The following SCAMP5 variants were observed in gnomAD, a reference collection of about 807,000 sequenced individuals.
SCAMP5 encodes secretory carrier-associated membrane protein 5.
SCAMP5 carries 7 observed loss-of-function variants against 28.3 expected under a neutral mutation model. The ratio of observed to expected loss-of-function variants is 0.25; its 90% CI spans 0.14 to 0.46. The LOEUF is 0.46. Among genes scored for constraint, SCAMP5 ranks in the 20% least tolerant of loss-of-function variants. SCAMP5 has a pLI of 0.99. For synonymous variants in SCAMP5, 117 were observed against 116.4 expected (o/e 1.00, Z -0.03); for missense variants, 192 against 312.5 (o/e 0.61, Z 2.91).
chr15:75,014,403 A>G (rs2065841366), intron 3 of SCAMP5, among the ~76,000 whole-genome samples: 1 of 152,164 alleles, frequency 6.6e-6, no homozygotes, highest in African/African-American at 2.4e-5. Context: ...TCCATCAAAT[A>G]TGATGTAGTG....
At position 75,018,508 on chromosome 15, in the gene SCAMP5, C is replaced by T. The variant is rs1275314052; in HGVS notation, c.486C>T (p.Ala162=). The T allele has an allele frequency of 5.0e-6, 8 of 1,612,434 alleles. No homozygotes were observed. Among genetic ancestry groups the T allele is most frequent in the South Asian group, 1.1e-5 (1 of 91,046 alleles). The part of the protein sequence containing the change: ...LIPTVMFTVM[A]VFSFIALSMV... Reference sequence around the variant, plus strand: ...CCACTGTCATGTTCACAGTGATGGCCGTCTTTTCCTTCATCGCCCTCAGCA... The same window carrying T: ...CCACTGTCATGTTCACAGTGATGGCTGTCTTTTCCTTCATCGCCCTCAGCA... Residue 162 remains alanine, a synonymous_variant, in exon 6 of 7, where the codon GCC becomes GCT. Transcript: ENST00000425597. This position sits in a 1 kb window ranked among gnomAD's most constrained non-coding sequence, Gnocchi z 5.6.
chr15:75,007,938 G>A (rs879499889), intron 1 of SCAMP5, among the ~76,000 whole-genome samples: 20 of 152,020 alleles, frequency 1.3e-4, no homozygotes, highest in Non-Finnish European at 2.2e-4. Flanking sequence ...GGGCCCAAGC[G>A]ATCCATCTGC....
At chr15:75,000,971 C>T (rs997189611) in intron 1 of SCAMP5, among the ~76,000 whole-genome samples, 1 of 151,954 alleles carries the variant, frequency 6.6e-6, no homozygotes, top group Non-Finnish European at 1.5e-5. Context: ...GTTAAAAATT[C>T]AGCTCCAGGC....
intron 1 of SCAMP5, chr15:74,995,883 C>G (rs1056747208): frequency 2.0e-5 from 3 of 153,760 alleles, no homozygotes; most frequent in African/African-American, 7.2e-5. Flanking sequence ...CCAGGCCCCC[C>G]GAGCCCCCCA....
chr15:75,018,964 C>T lies in SCAMP5; in HGVS notation c.689C>T (p.Thr230Met), dbSNP rs761891207. The change falls in exon 7 of 7, where the codon ACG becomes ATG. Residue 230 changes from threonine (T) to methionine (M), a missense_variant. Coordinates refer to ENST00000425597, the MANE Select transcript of SCAMP5 (RefSeq NM_138967.4). This position sits in a 1 kb window ranked among gnomAD's most constrained non-coding sequence, Gnocchi z 5.6. ...CAGTATTCCGCCACCCCCAATTACA[C>T]GTACTCCAATGAGATGTGAACCAGC... ...QTQYSATPNY[T>M]YSNEM The T allele has an allele frequency of 2.8e-5, 43 of 1,526,798 alleles. No individual in the cohort carries two copies. The highest frequency in any genetic ancestry group is 3.2e-5 in the Non-Finnish European group (37 of 1,145,350). 94.6% of individuals were successfully genotyped at this position (1,526,798 alleles called of 1,614,324 possible). A position where few individuals can be genotyped will look rare whatever the true frequency, so the allele number is the denominator to read the frequency against.
chr15:75,010,131 G>T (rs952714856), intron 1 of SCAMP5, among the ~76,000 whole-genome samples: 1 of 152,058 alleles, frequency 6.6e-6, no homozygotes, highest in African/African-American at 2.4e-5. Flanking sequence ...GGTTTCCTTG[G>T]CCTTAACTTG....
intron 1 of SCAMP5, among the ~76,000 whole-genome samples, chr15:74,999,324 C>T (rs966032715): frequency 1.4e-4 from 22 of 152,282 alleles, no homozygotes; most frequent in African/African-American, 3.9e-4. Context: ...GTGTGTCACC[C>T]GAGCTGCCAG....
rs117960463 is a variant in SCAMP5, at chr15:74,999,039, C to T, written c.-49+3366C>T. Among the ~76,000 whole-genome samples the T allele has an allele frequency of 2.0e-3, 301 of 152,320 alleles. 5 individuals carry two copies. In the East Asian group the frequency reaches 0.054, roughly 28 times the overall value. On this transcript the variant is annotated intron_variant, in intron 1 of 6. Coordinates refer to ENST00000425597, the MANE Select transcript of SCAMP5 (RefSeq NM_138967.4). The stretch of plus-strand genomic sequence containing the variant: ...GGTCTTTAGTGCTGGACCACAGTCT[C>T]CCACTCCATGTCCCATTGTCTCAGG...
intron 1 of SCAMP5, among the ~76,000 whole-genome samples, chr15:75,011,330 G>A (rs1008111758): frequency 1.3e-5 from 2 of 152,152 alleles, no homozygotes; most frequent in South Asian, 2.1e-4. Context: ...TTACTGCAGA[G>A]GTGATTGACT....
At chr15:75,000,986 C>T (rs2065701298) in intron 1 of SCAMP5, among the ~76,000 whole-genome samples, 1 of 151,932 alleles carries the variant, frequency 6.6e-6, no homozygotes. Flanking sequence ...CCAGGCCGGG[C>T]GCGGTGGCTC....
At chr15:75,000,097 CT>C (rs1383713090) in intron 1 of SCAMP5, among the ~76,000 whole-genome samples, 1 of 152,088 alleles carries the variant, frequency 6.6e-6, no homozygotes, top group East Asian at 1.9e-4. Flanking sequence ...GGGGTGGCAT[CT>C]GAGAAAGTGG....
At chr15:75,014,112 A>T (rs2065838804) in intron 3 of SCAMP5, among the ~76,000 whole-genome samples, 1 of 152,172 alleles carries the variant, frequency 6.6e-6, no homozygotes. Flanking sequence ...GCTATATGTG[A>T]CACTGCCCTG....
intron 4 of SCAMP5, 128 bp downstream of exon 4, chr15:75,016,877 C>A: frequency 1.1e-6 from 1 of 904,830 alleles, no homozygotes; most frequent in Non-Finnish European, 1.6e-6. Context: ...CCTTGCTCAC[C>A]TTTGGCTCAG....
chr15:75,015,870 G>A (rs1019726560), intron 3 of SCAMP5, among the ~76,000 whole-genome samples: 2 of 145,196 alleles, frequency 1.4e-5, no homozygotes, highest in Non-Finnish European at 3.0e-5. Flanking sequence ...AGGTTGCAGT[G>A]AGCTGAGATC....
In SCAMP5 at chr15:75,020,062, T is replaced by G. The variant is rs1365225215; in HGVS notation, c.*1079T>G. The G allele has an allele frequency of 6.6e-6, 1 of 152,442 alleles. No individual in the cohort carries two copies. Among genetic ancestry groups the G allele is most frequent in the Admixed American group, 6.5e-5 (1 of 15,280 alleles). The allele number at this position is 152,442 out of a possible 1,614,324, so 9.4% of individuals were successfully genotyped here. ...TGCCTTACTGCCTTCCCTGAGGAGC[T>G]GGGACATGCTGGGCAGTTGTCAGAT... is the stretch of plus-strand genomic sequence containing the variant. On this transcript the variant is annotated 3_prime_UTR_variant, in exon 7 of 7. Coordinates refer to ENST00000425597, the MANE Select transcript of SCAMP5 (RefSeq NM_138967.4).
rs2065881275 is a variant in SCAMP5, at chr15:75,018,807, G to A, written c.532G>A (p.Gly178Arg). The A allele has an allele frequency of 1.2e-6, 2 of 1,605,112 alleles. No homozygotes were observed. The highest frequency in any genetic ancestry group is 8.5e-7 in the Non-Finnish European group (1 of 1,177,374). Residue 178 changes from glycine (G) to arginine (R), a missense_variant, in exon 7 of 7, where the codon GGA becomes AGA. Transcript: ENST00000425597. This position sits in a 1 kb window ranked among gnomAD's most constrained non-coding sequence, Gnocchi z 5.6. ...ALSMVHKFYRGSGGSFSKAQE... is the reference protein window; with the variant it reads ...ALSMVHKFYRRSGGSFSKAQE... ...CCTACAGGTTCATAAATTTTACCGGGGAAGTGGGGGGAGTTTCAGCAAAGC... is the reference window on the plus strand; with the variant it reads ...CCTACAGGTTCATAAATTTTACCGGAGAAGTGGGGGGAGTTTCAGCAAAGC...
chr15:75,006,142 C>T (rs906045794), intron 1 of SCAMP5, among the ~76,000 whole-genome samples: 14 of 151,286 alleles, frequency 9.3e-5, no homozygotes, highest in African/African-American at 2.9e-4. Flanking sequence ...GGATTACAGG[C>T]GCCCGCCACC....
intron 1 of SCAMP5, among the ~76,000 whole-genome samples, chr15:75,000,711 G>T (rs1279830403): frequency 3.6e-5 from 4 of 109,738 alleles, no homozygotes; most frequent in Non-Finnish European, 7.3e-5. Context: ...TTGAAGAGAA[G>T]AAGAATAAAA....
chr15:74,997,994 G>A (rs949933882), intron 1 of SCAMP5, among the ~76,000 whole-genome samples: 1 of 152,190 alleles, frequency 6.6e-6, no homozygotes, highest in African/African-American at 2.4e-5. Flanking sequence ...TGCCAGGGAT[G>A]AGGGGCCCAT....
Sources: gnomAD v4.1 joint callset for allele counts (sites outside exome capture counted in the v4.1 genomes callset) on GRCh38, gnomAD v4.1.1 for gene constraint, Gnocchi (gnomAD v3.1) non-coding constraint, MANE v1.5 for transcripts, NCBI Gene and HGNC (gene_info 2026-07-23, HGNC 2026-07-21) for gene names.